PAX8: variants seen among roughly 807,000 people sequenced by gnomAD.
PAX8 encodes paired box protein Pax-8.
In PAX8, 15 loss-of-function variants were observed where a neutral mutation model predicts 52.4. That is an observed-to-expected ratio of 0.29 (90% confidence interval 0.19 to 0.44). The LOEUF (loss-of-function observed/expected upper bound fraction) is 0.44. Ranked by LOEUF, PAX8 falls within the 20% of genes least tolerant of loss-of-function variation. The pLI is 1.00. For missense variants in PAX8, 554 were observed against 602.5 expected (o/e 0.92, Z 0.84); for synonymous variants, 284 against 249.7 (o/e 1.14, Z -1.29).
At chr2:113,259,427 T>TC (rs890534412) in intron 2 of PAX8, 6 of 153,228 alleles carry the variant, frequency 3.9e-5, no homozygotes, top group African/African-American at 1.4e-4. Context: ...TCTTTGAATC[T>TC]CGTTGTCAAG....
chr2:113,247,715 C>G (rs1297565458), intron 2 of PAX8, among the ~76,000 whole-genome samples: 4 of 152,226 alleles, frequency 2.6e-5, no homozygotes, highest in Non-Finnish European at 5.9e-5. Context: ...GTGTTTCATT[C>G]TGAGCCCATC....
In PAX8 at chr2:113,217,249, C is replaced by T. The variant is rs940143989; in HGVS notation, c.*1284G>A. ...CCAGAGCTCTGGGGCATCAGATGGT[C>T]CCTTCCAGCCCACGGCCCCAAAGTG... On this transcript the variant is annotated 3_prime_UTR_variant, in exon 12 of 12. Transcript: ENST00000429538. 7 of 229,120 alleles carry T rather than the reference C, an allele frequency of 3.1e-5. No individual in the cohort carries two copies. Among genetic ancestry groups the T allele is most frequent in the African/African-American group, 1.6e-4 (7 of 45,058 alleles). The allele number at this position is 229,120 out of a possible 1,614,324, so 14.2% of individuals were successfully genotyped here.
chr2:113,252,727 A>G (rs1412806646), intron 2 of PAX8, among the ~76,000 whole-genome samples: 4 of 152,162 alleles, frequency 2.6e-5, no homozygotes, highest in Admixed American at 2.6e-4. Flanking sequence ...TTTCTCATTG[A>G]TCTCTTGCCC....
intron 2 of PAX8, among the ~76,000 whole-genome samples, chr2:113,277,423 A>G (rs1377104199): frequency 6.6e-6 from 1 of 152,158 alleles, no homozygotes; most frequent in Non-Finnish European, 1.5e-5. Context: ...TCCCGTTTGC[A>G]GAGCGGGACA....
Position 113,220,156 on chromosome 2 carries a change from G to C in PAX8, c.1212C>G (p.Ala404=), listed in dbSNP as rs1474817914. 1 of 1,613,934 alleles carries C rather than the reference G, an allele frequency of 6.2e-7. No homozygotes were observed. The part of the protein sequence containing the change: ...MVAGSEYSGN[A]YGHTPYSSYS... The stretch of plus-strand genomic sequence containing the variant: ...AGGAGGAGTAGGGGGTGTGGCCATA[G>C]GCATTGCCAGAGTATTCACTTCCTG... Residue 404 remains alanine, a synonymous_variant, in exon 11 of 12, where the codon GCC becomes GCG. Coordinates refer to ENST00000429538, the MANE Select transcript of PAX8 (RefSeq NM_003466.4).
At chr2:113,230,085 GA>G (rs1689798800) in intron 9 of PAX8, among the ~76,000 whole-genome samples, 1 of 152,214 alleles carries the variant, frequency 6.6e-6, no homozygotes, top group African/African-American at 2.4e-5. Context: ...CTGACTACCT[GA>G]TTGGCTGGTA....
intron 3 of PAX8, among the ~76,000 whole-genome samples, chr2:113,245,896 C>G (rs939608834): frequency 1.3e-5 from 2 of 152,196 alleles, no homozygotes; most frequent in African/African-American, 4.8e-5. Flanking sequence ...CAGTCCAGGT[C>G]CCTTTACCTT....
chr2:113,218,451 A>G lies in PAX8; in HGVS notation c.*82T>C, dbSNP rs985182867. 50 of 718,454 alleles carry G rather than the reference A, an allele frequency of 7.0e-5. No individual in the cohort carries two copies. Among genetic ancestry groups the G allele is most frequent in the Non-Finnish European group, 1.0e-4 (44 of 441,540 alleles). The allele number at this position is 718,454 out of a possible 1,614,324, so 44.5% of individuals were successfully genotyped here. A position where few individuals can be genotyped will look rare whatever the true frequency, so the allele number is the denominator to read the frequency against. On this transcript the variant is annotated 3_prime_UTR_variant, in exon 12 of 12. Transcript: ENST00000429538. ...TGGTTATTTTTCATGTAATAAATAA[A>G]GATTCCTTTGTGTGACTCTCTGGGG...
chr2:113,276,874 G>A (rs114179440), intron 2 of PAX8, among the ~76,000 whole-genome samples: 2,038 of 152,284 alleles, frequency 0.013, 47 homozygotes, highest in African/African-American at 0.047. Flanking sequence ...GCGCAGAAGT[G>A]CCATTGCACC....
chr2:113,261,822 GTT>G (rs777210195), intron 2 of PAX8, among the ~76,000 whole-genome samples: 2 of 144,096 alleles, frequency 1.4e-5, no homozygotes, highest in Admixed American at 7.0e-5. Flanking sequence ...AAGATTTTAG[GTT>G]TTTTTTTTTT....
At chr2:113,228,066 A>T (rs148271791) in intron 9 of PAX8, among the ~76,000 whole-genome samples, 3 of 152,028 alleles carry the variant, frequency 2.0e-5, no homozygotes, top group East Asian at 3.9e-4. Context: ...CTCTGTAAAG[A>T]CCTCATTTCC....
rs1375195359 is a variant in PAX8 at position 113,217,569 on chromosome 2, G to A, written c.*964C>T. 3.0e-5 allele frequency: 7 copies of A among 230,748 alleles called. No homozygotes were observed. Among genetic ancestry groups the A allele is most frequent in the Non-Finnish European group, 5.1e-5 (6 of 116,508 alleles). The allele number at this position is 230,748 out of a possible 1,614,324, so 14.3% of individuals were successfully genotyped here. A position where few individuals can be genotyped will look rare whatever the true frequency, so the allele number is the denominator to read the frequency against. Reference sequence around the variant, plus strand: ...GGCCTTGGGGGCAGGAGCTGCTGGGGAGCAGAGAGGGACCCTCTATCGCTG... The same window carrying A: ...GGCCTTGGGGGCAGGAGCTGCTGGGAAGCAGAGAGGGACCCTCTATCGCTG... On this transcript the variant is annotated 3_prime_UTR_variant, in exon 12 of 12. Transcript: ENST00000429538.
chr2:113,236,700 G>T lies in PAX8; in HGVS notation c.799C>A (p.Leu267Ile). The T allele has an allele frequency of 1.3e-6, 2 of 1,577,840 alleles. No homozygotes were observed. The highest frequency in any genetic ancestry group is 1.7e-6 in the Non-Finnish European group (2 of 1,162,340). ...GEQGLYPLPLLNSTLDDGKAT... is the reference protein window; with the variant it reads ...GEQGLYPLPLINSTLDDGKAT... ...TTCCCGTCGTCCAGGGTGCTGTTGA[G>T]CAAGGGCAGCGGGTAGAGGCCCTGG... Residue 267 changes from leucine (L) to isoleucine (I), a missense_variant, in exon 8 of 12, where the codon CTC becomes ATC. By Grantham distance (5) the Leu-to-Ile change is conservative. Around this residue, in one of 2 missense-constraint regions of PAX8, gnomAD observed 445 missense variants for 409.9 expected, o/e 1.09. Transcript: ENST00000429538.
At chr2:113,227,078 C>T (rs1180693738) in intron 10 of PAX8, 77 bp downstream of exon 10, 1 of 1,537,670 alleles carries the variant, frequency 6.5e-7, no homozygotes, top group Non-Finnish European at 8.7e-7. Flanking sequence ...CACAGTATGC[C>T]TCTTGCTCCT....
intron 7 of PAX8, chr2:113,238,855 A>T (rs1690579783): frequency 1.3e-5 from 2 of 151,988 alleles, no homozygotes; most frequent in South Asian, 4.2e-4. Flanking sequence ...GCCCAATGAG[A>T]GTTATCACAG....
At chr2:113,220,202 G>C in intron 10 of PAX8, 24 bp from the exon 11 acceptor site, 2 of 1,561,372 alleles carry the variant, frequency 1.3e-6, no homozygotes, top group Non-Finnish European at 1.8e-6. Flanking sequence ...ACAGGGGAGA[G>C]GCCTGTGAGG....
intron 2 of PAX8, chr2:113,272,333 T>C (rs1267508623): frequency 6.6e-6 from 1 of 152,056 alleles, no homozygotes; most frequent in African/African-American, 2.4e-5. Flanking sequence ...TTCTGGCCAG[T>C]GGCTTATATA....
At chr2:113,276,459 T>A (rs1693819968) in intron 2 of PAX8, 1 of 152,178 alleles carries the variant, frequency 6.6e-6, no homozygotes, top group African/African-American at 2.4e-5. Context: ...AAAAATTACC[T>A]GGTAGGTCCA....
At position 113,227,135 on chromosome 2, in the gene PAX8, C is replaced by T; in HGVS notation, c.1189+20G>A. The T allele has an allele frequency of 6.4e-7, 1 of 1,568,424 alleles. No individual in the cohort carries two copies. The highest frequency in any genetic ancestry group is 8.6e-7 in the Non-Finnish European group (1 of 1,158,722). On this transcript the variant is annotated intron_variant, in intron 10 of 11. Transcript: ENST00000429538. ...ACTTCCTCTTTGCAGTGCTCCCCTT[C>T]CTGCCGGCCCTCTCCTTACCTGCCA...
Sources: allele counts gnomAD v4.1 joint callset (sites outside exome capture counted in the v4.1 genomes callset), GRCh38; gene constraint gnomAD v4.1.1; regional missense constraint gnomAD v4.1.1; transcripts MANE v1.5; gene names NCBI Gene and HGNC (gene_info 2026-07-23, HGNC 2026-07-21).